Variants in GPC6 observed in about 807,000 individuals in gnomAD.
GPC6 encodes the protein glypican-6.
Under a neutral mutation model 55.2 loss-of-function variants are expected in GPC6, and 14 were observed. The ratio of observed to expected loss-of-function variants is 0.25; its 90% CI spans 0.17 to 0.40. The LOEUF (loss-of-function observed/expected upper bound fraction) is 0.40. Ranked by LOEUF, GPC6 falls within the 10% of genes least tolerant of loss-of-function variation. The pLI is 1.00. For synonymous variants in GPC6, 278 were observed against 259.6 expected (o/e 1.07, Z -0.68); for missense variants, 641 against 708.5 (o/e 0.90, Z 1.08).
intron 3 of GPC6, among the ~76,000 whole-genome samples, chr13:93,944,849 C>T (rs1878923695): frequency 6.6e-6 from 1 of 151,942 alleles, no homozygotes; most frequent in Admixed American, 6.6e-5. Flanking sequence ...TTGGCTTCCA[C>T]CAGTCTCCTC....
chr13:94,326,197 A>G (rs989209878), intron 6 of GPC6, among the ~76,000 whole-genome samples: 3 of 123,098 alleles, frequency 2.4e-5, no homozygotes, highest in Non-Finnish European at 5.0e-5. Flanking sequence ...TATTTTTGGT[A>G]TGCTTGTGCA....
At chr13:93,242,937 G>A (rs563671285) in intron 1 of GPC6, among the ~76,000 whole-genome samples, 1 of 152,264 alleles carries the variant, frequency 6.6e-6, no homozygotes, top group African/African-American at 2.4e-5. Flanking sequence ...AGACACAAGG[G>A]TTGGAAGTCC....
chr13:93,806,505 A>G (rs1468711971), intron 2 of GPC6, among the ~76,000 whole-genome samples: 3 of 152,046 alleles, frequency 2.0e-5, no homozygotes, highest in Non-Finnish European at 4.4e-5. Flanking sequence ...ATGGCCAGCT[A>G]ATTTTTGTAT....
intron 4 of GPC6, among the ~76,000 whole-genome samples, chr13:94,221,923 C>T (rs1890397527): frequency 6.6e-6 from 1 of 151,948 alleles, no homozygotes; most frequent in South Asian, 2.1e-4. Context: ...GGAATTAACA[C>T]CACAGTCTAT....
At chr13:93,550,630 T>G (rs187841288) in intron 2 of GPC6, among the ~76,000 whole-genome samples, 243 of 152,280 alleles carry the variant, frequency 1.6e-3, no homozygotes, top group African/African-American at 5.3e-3. Flanking sequence ...TAAGTATCAT[T>G]TCTCATCTAT....
At chr13:94,272,226 T>C (rs1892050910) in intron 4 of GPC6, among the ~76,000 whole-genome samples, 1 of 152,010 alleles carries the variant, frequency 6.6e-6, no homozygotes, top group Non-Finnish European at 1.5e-5. Context: ...TTATTTATTT[T>C]TTATTGGTTC....
rs1179604203 is a variant in GPC6, at chr13:93,711,802, G to A, written c.320-118352G>A. Among the ~76,000 whole-genome samples, 3 of 151,858 alleles carry A rather than the reference G, an allele frequency of 2.0e-5. No homozygotes were observed. In the East Asian group the frequency reaches 5.9e-4, roughly 30 times the overall value. On this transcript the variant is annotated intron_variant, in intron 2 of 8. Transcript: ENST00000377047. ...TATTCACCCAAGCATAGCCTGGAAA[G>A]GGATAGGAACTAACATTTAAAATGG...
In GPC6 at chr13:93,375,764, GC is replaced by G. The variant is rs536511978; in HGVS notation, c.160+148150del. Among the ~76,000 whole-genome samples the G allele has an allele frequency of 2.9e-3, 449 of 152,240 alleles. 1 individual carries two copies. The highest frequency in any genetic ancestry group is 0.01 in the African/African-American group (429 of 41,538). ...CCCTGATTTCATGACAGATTCCTGTGCCAGGCCAATTAATTTTAAGACTTCC... is the reference window on the plus strand; with the variant it reads ...CCCTGATTTCATGACAGATTCCTGTGCAGGCCAATTAATTTTAAGACTTCC... On this transcript the variant is annotated intron_variant, in intron 1 of 8. Transcript: ENST00000377047.
At chr13:93,418,204 A>G (rs774690518) in intron 1 of GPC6, among the ~76,000 whole-genome samples, 25 of 151,884 alleles carry the variant, frequency 1.6e-4, no homozygotes, top group Non-Finnish European at 2.2e-4. Context: ...ACTTCGATAT[A>G]GGCATATAAT....
At chr13:94,388,876 T>A (rs1201971062) in intron 7 of GPC6, among the ~76,000 whole-genome samples, 2 of 152,156 alleles carry the variant, frequency 1.3e-5, no homozygotes, top group Non-Finnish European at 2.9e-5. Context: ...ACCATCACAC[T>A]GGGGATTAGG....
intron 1 of GPC6, among the ~76,000 whole-genome samples, chr13:93,454,011 C>T (rs1305671765): frequency 2.0e-5 from 3 of 152,108 alleles, no homozygotes; most frequent in Non-Finnish European, 4.4e-5. Flanking sequence ...GGTGCATTTA[C>T]AATCCCTGAG....
chr13:93,930,190 A>G (rs1878087103), intron 3 of GPC6, among the ~76,000 whole-genome samples: 1 of 151,922 alleles, frequency 6.6e-6, no homozygotes, highest in South Asian at 2.1e-4. Flanking sequence ...TTATATAGCC[A>G]CTGTTAACAG....
rs538905360 is a variant in GPC6, at chr13:93,268,184, A to C, written c.160+40568A>C. Among the ~76,000 whole-genome samples the C allele has an allele frequency of 2.0e-5, 3 of 152,302 alleles. No individual in the cohort carries two copies. In the East Asian group the frequency reaches 5.8e-4, roughly 29 times the overall value. Reference sequence around the variant, plus strand: ...TAATTATGAGAGGATTATTTGCAAAATAGATTTATCTGTTGTTGAACATAC... The same window carrying C: ...TAATTATGAGAGGATTATTTGCAAACTAGATTTATCTGTTGTTGAACATAC... On this transcript the variant is annotated intron_variant, in intron 1 of 8. Coordinates refer to ENST00000377047, the MANE Select transcript of GPC6 (RefSeq NM_005708.5).
At chr13:94,234,508 C>CTTTTTTT (rs56709078) in intron 4 of GPC6, among the ~76,000 whole-genome samples, 1 of 136,110 alleles carries the variant, frequency 7.3e-6, no homozygotes, top group Non-Finnish European at 1.6e-5. Flanking sequence ...CTTTTGTTTG[C>CTTTTTTT]TTTTTTTTTT....
At chr13:94,318,388 A>C (rs1485879130) in intron 6 of GPC6, among the ~76,000 whole-genome samples, 1 of 152,180 alleles carries the variant, frequency 6.6e-6, no homozygotes. Context: ...ATACATACCT[A>C]TGATAAAGTT....
chr13:93,310,439 A>G (rs888658488), intron 1 of GPC6, among the ~76,000 whole-genome samples: 1 of 152,158 alleles, frequency 6.6e-6, no homozygotes, highest in African/African-American at 2.4e-5. Context: ...AATCACCCTC[A>G]GGAGGCACTT....
chr13:94,167,784 C>A (rs1888417024), intron 4 of GPC6, among the ~76,000 whole-genome samples: 1 of 152,102 alleles, frequency 6.6e-6, no homozygotes, highest in Admixed American at 6.5e-5. Context: ...TAACAGAAGA[C>A]TATCTGTCAT....
At chr13:93,435,521 A>G (rs1436985329) in intron 1 of GPC6, among the ~76,000 whole-genome samples, 2 of 152,004 alleles carry the variant, frequency 1.3e-5, no homozygotes, top group East Asian at 3.9e-4. Flanking sequence ...CAGATATCAC[A>G]ATGGTAGTTC....
intron 1 of GPC6, among the ~76,000 whole-genome samples, chr13:93,409,004 A>G (rs972740426): frequency 1.3e-5 from 2 of 152,152 alleles, no homozygotes; most frequent in African/African-American, 2.4e-5. Flanking sequence ...CAGTAAGTAC[A>G]TTTGGGAACA....
Sources: allele counts gnomAD v4.1 joint callset (sites outside exome capture counted in the v4.1 genomes callset), GRCh38; gene constraint gnomAD v4.1.1; transcripts MANE v1.5; gene names NCBI Gene and HGNC (gene_info 2026-07-23, HGNC 2026-07-21).